Variants in MDGA2 observed in about 807,000 individuals in gnomAD.
The protein encoded by MDGA2 is MAM domain containing glycosylphosphatidylinositol anchor 2.
MDGA2 carries 40 observed loss-of-function variants against 117.8 expected under a neutral mutation model. The ratio of observed to expected loss-of-function variants is 0.34; its 90% CI spans 0.26 to 0.44. The LOEUF (loss-of-function observed/expected upper bound fraction) is 0.44. Ranked by LOEUF, MDGA2 falls within the 20% of genes least tolerant of loss-of-function variation. The pLI is 1.00. For missense variants in MDGA2, 1,123 were observed against 1,250.6 expected, an observed-to-expected ratio of 0.90 and a Z score of 1.54; for synonymous variants, 452 against 439.0, an observed-to-expected ratio of 1.03 and a Z score of -0.37.
chr14:47,337,442 G>A (rs993351386), intron 1 of MDGA2, among the ~76,000 whole-genome samples: 2 of 151,866 alleles, frequency 1.3e-5, no homozygotes, highest in African/African-American at 2.4e-5. Flanking sequence ...TAGAGCTCCC[G>A]TCTATCTGAC....
At chr14:46,848,286 G>A (rs369927507) in intron 15 of MDGA2, among the ~76,000 whole-genome samples, 19 of 152,058 alleles carry the variant, frequency 1.2e-4, no homozygotes, top group South Asian at 6.2e-4. Flanking sequence ...CTATGTAAAG[G>A]TAAAAAGTTT....
At chr14:47,257,092 A>G (rs565331289) in intron 2 of MDGA2, among the ~76,000 whole-genome samples, 10 of 152,304 alleles carry the variant, frequency 6.6e-5, no homozygotes, top group African/African-American at 2.4e-4. Context: ...GAGTAACAAC[A>G]CTACTTTGTT....
intron 3 of MDGA2, among the ~76,000 whole-genome samples, chr14:47,175,259 A>C (rs1010048595): frequency 1.1e-4 from 16 of 151,852 alleles, no homozygotes; most frequent in Non-Finnish European, 2.4e-4. Flanking sequence ...AAACTATTCC[A>C]ATCAATAGAA....
chr14:47,652,175 T>C (rs868378602), intron 1 of MDGA2, among the ~76,000 whole-genome samples: 6 of 152,298 alleles, frequency 3.9e-5, no homozygotes, highest in South Asian at 2.1e-4. Context: ...GCAAAAGATA[T>C]ACAGAAGCAT....
intron 1 of MDGA2, among the ~76,000 whole-genome samples, chr14:47,570,778 CA>C (rs1896004650): frequency 6.6e-6 from 1 of 152,060 alleles, no homozygotes; most frequent in African/African-American, 2.4e-5. Context: ...AAGACTGAAA[CA>C]TAAGACCTAA....
intron 16 of MDGA2, 123 bp downstream of exon 16, chr14:46,845,643 A>G (rs1260663343): frequency 1.7e-6 from 1 of 588,240 alleles, no homozygotes; most frequent in African/African-American, 1.9e-5. Context: ...ATTACATATA[A>G]GAAATTTCTA....
chr14:47,370,081 C>A (rs1185178398), intron 1 of MDGA2, among the ~76,000 whole-genome samples: 2 of 151,034 alleles, frequency 1.3e-5, no homozygotes, highest in African/African-American at 4.9e-5. Context: ...TCGTTTTTTT[C>A]TCAAATGGTA....
At chr14:47,552,055 A>C (rs1895592328) in intron 1 of MDGA2, among the ~76,000 whole-genome samples, 1 of 152,232 alleles carries the variant, frequency 6.6e-6, no homozygotes, top group South Asian at 2.1e-4. Context: ...ACTAAAAATA[A>C]TATTTCAAGA....
intron 1 of MDGA2, among the ~76,000 whole-genome samples, chr14:47,307,439 G>A (rs1432727918): frequency 6.6e-6 from 1 of 152,140 alleles, no homozygotes; most frequent in Admixed American, 6.5e-5. Context: ...CCAGGACTTT[G>A]GGAGTCCGAG....
At chr14:47,430,673 A>G (rs948599698) in intron 1 of MDGA2, among the ~76,000 whole-genome samples, 9 of 152,134 alleles carry the variant, frequency 5.9e-5, no homozygotes, top group African/African-American at 2.2e-4. Flanking sequence ...GTTTCTGTTT[A>G]AACATATAAG....
intron 8 of MDGA2, among the ~76,000 whole-genome samples, chr14:46,994,510 TACAAACAC>T (rs915343700): frequency 6.2e-5 from 3 of 48,126 alleles, no homozygotes; most frequent in African/African-American, 2.0e-4. Context: ...CATGCACACA[TACAAACAC>T]ACACACACAC....
At chr14:46,906,972 C>CTTTTT (rs372756942) in intron 10 of MDGA2, among the ~76,000 whole-genome samples, 28 of 99,554 alleles carry the variant, frequency 2.8e-4, no homozygotes, top group Non-Finnish European at 4.5e-4. Context: ...TTACCTTTTT[C>CTTTTT]TTTTTTTTTT....
chr14:47,077,437 T>G (rs538642779), intron 6 of MDGA2, among the ~76,000 whole-genome samples: 2 of 152,172 alleles, frequency 1.3e-5, no homozygotes, highest in African/African-American at 2.4e-5. Context: ...ACTGTTATTT[T>G]TTGTTTTCTT....
At chr14:47,454,134 T>C (rs1245818501) in intron 1 of MDGA2, among the ~76,000 whole-genome samples, 2 of 152,168 alleles carry the variant, frequency 1.3e-5, no homozygotes, top group Non-Finnish European at 2.9e-5. Flanking sequence ...TTTAGCTTAA[T>C]AAATGTAGCC....
At chr14:47,046,184 G>A (rs1176145494) in intron 7 of MDGA2, among the ~76,000 whole-genome samples, 4 of 151,148 alleles carry the variant, frequency 2.6e-5, no homozygotes, top group Non-Finnish European at 5.9e-5. Flanking sequence ...TAAAAGAAAG[G>A]GGGTATGATA....
chr14:47,129,382 A>T (rs1198441903), intron 5 of MDGA2, among the ~76,000 whole-genome samples: 1 of 152,100 alleles, frequency 6.6e-6, no homozygotes, highest in Non-Finnish European at 1.5e-5. Flanking sequence ...GAGAATGAAG[A>T]TTTCCAATTT....
chr14:47,674,760 G>T lies in MDGA2; in HGVS notation c.37C>A (p.Arg13Ser). 3 of 706,946 alleles carry T rather than the reference G, an allele frequency of 4.2e-6. No homozygotes were observed. The highest frequency in any genetic ancestry group is 7.7e-6 in the Non-Finnish European group (3 of 390,868). The allele number at this position is 706,946 out of a possible 1,614,324, so 43.8% of individuals were successfully genotyped here. ...TCTGTCCTTCCCCGGCGGCGGCGGC[G>T]AGCGGAGCGCAGGAGCCCCGCACTC... is the stretch of plus-strand genomic sequence containing the variant. ...VWSAGLLRSARRRRRGRTDGR... is the reference protein window; with the variant it reads ...VWSAGLLRSASRRRRGRTDGR... The change falls in exon 1 of 17, where the codon CGC becomes AGC. Residue 13 changes from arginine (R) to serine (S), a missense_variant. Arg to Ser is a moderately radical substitution (Grantham distance 110). Transcript: ENST00000399232.
At chr14:47,466,795 T>C (rs773990624) in intron 1 of MDGA2, among the ~76,000 whole-genome samples, 4 of 151,982 alleles carry the variant, frequency 2.6e-5, no homozygotes, top group Non-Finnish European at 5.9e-5. Flanking sequence ...TATTAATATA[T>C]TGATAATATA....
chr14:47,077,046 G>GT (rs199633224), intron 6 of MDGA2, among the ~76,000 whole-genome samples: 12,698 of 149,678 alleles, frequency 0.085, 665 homozygotes, highest in Admixed American at 0.17. Context: ...CTTAAAACAA[G>GT]TTTTTTTTTT....
Sources: allele counts gnomAD v4.1 joint callset (sites outside exome capture counted in the v4.1 genomes callset), GRCh38; gene constraint gnomAD v4.1.1; transcripts MANE v1.5; gene names NCBI Gene and HGNC (gene_info 2026-07-23, HGNC 2026-07-21).